NKAIN2: variants seen among roughly 807,000 people sequenced by gnomAD.
NKAIN2 encodes sodium/potassium-transporting ATPase subunit beta-1-interacting protein 2.
Under a neutral mutation model 32.6 loss-of-function variants are expected in NKAIN2, and 14 were observed. The ratio of observed to expected loss-of-function variants is 0.43; its 90% CI spans 0.28 to 0.67. The LOEUF is 0.67. NKAIN2 is among the 30% of genes least tolerant of loss of function. The pLI, the probability that NKAIN2 is intolerant of heterozygous loss-of-function variation, is 0.17. For synonymous variants in NKAIN2, 80 were observed against 87.2 expected, an observed-to-expected ratio of 0.92 and a Z score of 0.46; for missense variants, 198 against 258.3, an observed-to-expected ratio of 0.77 and a Z score of 1.60.
intron 2 of NKAIN2, among the ~76,000 whole-genome samples, chr6:124,341,723 C>T (rs1798123270): frequency 6.6e-6 from 1 of 152,126 alleles, no homozygotes; most frequent in Non-Finnish European, 1.5e-5. Context: ...GGCTGATAAC[C>T]TTATCAGAAC....
chr6:124,344,166 G>A (rs930490270), intron 2 of NKAIN2, among the ~76,000 whole-genome samples: 2 of 152,020 alleles, frequency 1.3e-5, no homozygotes, highest in African/African-American at 4.8e-5. Flanking sequence ...ATTTCTGAGG[G>A]CTCTGTTCTG....
chr6:124,418,158 C>CTGTG (rs144452856), intron 3 of NKAIN2, among the ~76,000 whole-genome samples: 3,820 of 149,602 alleles, frequency 0.026, 52 homozygotes, highest in Non-Finnish European at 0.033. Context: ...CCTGTGTGGA[C>CTGTG]TGTGTGTGTG....
intron 2 of NKAIN2, among the ~76,000 whole-genome samples, chr6:124,341,722 C>A (rs1462791384): frequency 1.3e-5 from 2 of 152,074 alleles, no homozygotes; most frequent in Non-Finnish European, 2.9e-5. Flanking sequence ...TGGCTGATAA[C>A]CTTATCAGAA....
chr6:124,338,843 C>T (rs190958397), intron 2 of NKAIN2, among the ~76,000 whole-genome samples: 68 of 152,214 alleles, frequency 4.5e-4, no homozygotes, highest in African/African-American at 1.6e-3. Context: ...GATGTAATTG[C>T]CTAAAAGGAG....
chr6:124,032,167 A>G (rs1255088440), intron 1 of NKAIN2, among the ~76,000 whole-genome samples: 1 of 151,218 alleles, frequency 6.6e-6, no homozygotes, highest in Non-Finnish European at 1.5e-5. Flanking sequence ...ACAAGGACAG[A>G]AAACCAAACC....
chr6:124,689,367 CAT>C (rs1211909578), intron 4 of NKAIN2, among the ~76,000 whole-genome samples: 1 of 152,050 alleles, frequency 6.6e-6, no homozygotes, highest in African/African-American at 2.4e-5. Flanking sequence ...AGTCCTTTAT[CAT>C]ATATGTTTTT....
At chr6:124,535,050 A>G (rs1028000036) in intron 3 of NKAIN2, among the ~76,000 whole-genome samples, 5 of 152,338 alleles carry the variant, frequency 3.3e-5, no homozygotes, top group African/African-American at 9.6e-5. Context: ...AATAATTGTC[A>G]TACTATCTTC....
chr6:123,839,418 T>C (rs1305959212), intron 1 of NKAIN2, among the ~76,000 whole-genome samples: 4 of 152,188 alleles, frequency 2.6e-5, no homozygotes, highest in Non-Finnish European at 4.4e-5. Flanking sequence ...AGACAATCTT[T>C]AGATGCTTAA....
intron 1 of NKAIN2, among the ~76,000 whole-genome samples, chr6:123,897,822 T>C (rs949885730): frequency 6.6e-6 from 1 of 152,202 alleles, no homozygotes; most frequent in Non-Finnish European, 1.5e-5. Flanking sequence ...TCACTGCCTC[T>C]GGCTGTACTA....
At chr6:124,242,715 A>C (rs772891740) in intron 1 of NKAIN2, among the ~76,000 whole-genome samples, 2 of 152,190 alleles carry the variant, frequency 1.3e-5, no homozygotes, top group Non-Finnish European at 2.9e-5. Context: ...TGCAGCCATA[A>C]AAAAGGATGA....
At chr6:123,814,959 A>G (rs187131819) in intron 1 of NKAIN2, among the ~76,000 whole-genome samples, 100 of 152,352 alleles carry the variant, frequency 6.6e-4, no homozygotes, top group African/African-American at 2.3e-3. Flanking sequence ...GTAATGAATG[A>G]ATAGTGGGAG....
chr6:124,461,054 T>C (rs1028628284), intron 3 of NKAIN2, among the ~76,000 whole-genome samples: 1 of 151,830 alleles, frequency 6.6e-6, no homozygotes, highest in Non-Finnish European at 1.5e-5. Context: ...AGGTCACTTA[T>C]GTTAGTTCAG....
At chr6:124,194,206 G>T (rs1271981943) in intron 1 of NKAIN2, among the ~76,000 whole-genome samples, 1 of 151,424 alleles carries the variant, frequency 6.6e-6, no homozygotes, top group Admixed American at 6.6e-5. Context: ...CTGCTTGAAG[G>T]TGGGGCTTCC....
At chr6:124,090,760 G>T (rs1347818078) in intron 1 of NKAIN2, among the ~76,000 whole-genome samples, 1 of 152,004 alleles carries the variant, frequency 6.6e-6, no homozygotes, top group East Asian at 1.9e-4. Flanking sequence ...CACTCATAAA[G>T]TGCTGAGCAT....
chr6:124,780,934 G>GTTTTAAACAA (rs1779234959), intron 4 of NKAIN2, among the ~76,000 whole-genome samples: 1 of 152,176 alleles, frequency 6.6e-6, no homozygotes, highest in Non-Finnish European at 1.5e-5. Flanking sequence ...ACATGCTCCA[G>GTTTTAAACAA]GTTTCCCACA....
intron 2 of NKAIN2, among the ~76,000 whole-genome samples, chr6:124,334,270 A>C (rs181126678): frequency 5.4e-4 from 82 of 152,226 alleles, no homozygotes; most frequent in African/African-American, 1.8e-3. Flanking sequence ...TGTTCAATGT[A>C]TAATATAATG....
chr6:124,597,399 AAAT>A (rs1390847518), intron 3 of NKAIN2, among the ~76,000 whole-genome samples: 1 of 151,444 alleles, frequency 6.6e-6, no homozygotes, highest in African/African-American at 2.4e-5. Context: ...AAGTATTAAT[AAAT>A]AATATTATTT....
chr6:124,271,216 C>G (rs906276681), intron 1 of NKAIN2, among the ~76,000 whole-genome samples: 6 of 152,052 alleles, frequency 3.9e-5, no homozygotes, highest in East Asian at 1.9e-4. Flanking sequence ...CCAATTAAAC[C>G]TCCTTTCTTA....
chr6:123,885,072 A>C (rs1388556961), intron 1 of NKAIN2, among the ~76,000 whole-genome samples: 1 of 152,192 alleles, frequency 6.6e-6, no homozygotes, highest in African/African-American at 2.4e-5. Flanking sequence ...ATATACTCAC[A>C]AATTAGACTT....
Sources: allele counts gnomAD v4.1 joint callset (sites outside exome capture counted in the v4.1 genomes callset), GRCh38; gene constraint gnomAD v4.1.1; transcripts MANE v1.5; gene names NCBI Gene and HGNC (gene_info 2026-07-23, HGNC 2026-07-21).